Variants in PSMD1 observed in about 807,000 individuals in gnomAD.
PSMD1 encodes the protein proteasome 26S subunit, non-ATPase 1.
Under a neutral mutation model 119.0 loss-of-function variants are expected in PSMD1, and 18 were observed. That is an observed-to-expected ratio of 0.15 (90% CI 0.10 to 0.22). The LOEUF (loss-of-function observed/expected upper bound fraction) is 0.22. Ranked by LOEUF, PSMD1 falls within the 10% of genes least tolerant of loss-of-function variation. The pLI is 1.00. For synonymous variants in PSMD1, 374 were observed against 396.6 expected (o/e 0.94, Z 0.68); for missense variants, 702 against 1,158.5 (o/e 0.61, Z 5.72).
chr2:231,131,577 A>G lies in PSMD1; in HGVS notation c.1884-7159A>G, dbSNP rs1368014606. 7.1e-5 allele frequency among the ~76,000 whole-genome samples: 7 copies of G among 98,644 alleles called. 2 individuals are homozygous for G. The highest frequency in any genetic ancestry group is 6.0e-4 in the Admixed American group (7 of 11,676). The allele number at this position is 98,644 out of a possible 152,430, so 64.7% of individuals were successfully genotyped here. ...GGAGATCGAGACCATCCCGGCTAAAACGGTGAAACCCCGTCTCTACTAAAA... is the reference window on the plus strand; with the variant it reads ...GGAGATCGAGACCATCCCGGCTAAAGCGGTGAAACCCCGTCTCTACTAAAA... On this transcript the variant is annotated intron_variant, in intron 16 of 24. Coordinates refer to ENST00000308696, the MANE Select transcript of PSMD1 (RefSeq NM_002807.4).
intron 19 of PSMD1, among the ~76,000 whole-genome samples, chr2:231,157,814 A>AC (rs1289523973): frequency 6.6e-6 from 1 of 151,298 alleles, no homozygotes; most frequent in East Asian, 2.0e-4. Context: ...CAATCCACCC[A>AC]CCTCGGCCTC....
intron 16 of PSMD1, among the ~76,000 whole-genome samples, chr2:231,100,216 T>A (rs974784810): frequency 8.6e-5 from 13 of 151,732 alleles, no homozygotes; most frequent in African/African-American, 2.7e-4. Context: ...AAATATAAAA[T>A]TTTTTTTTAA....
chr2:231,159,777 G>A (rs1399916360), intron 19 of PSMD1, among the ~76,000 whole-genome samples: 11 of 152,180 alleles, frequency 7.2e-5, no homozygotes, highest in Non-Finnish European at 1.5e-5. Flanking sequence ...TTGACACCAG[G>A]GACAGGTTTC....
chr2:231,113,493 T>A (rs939503026), intron 16 of PSMD1, among the ~76,000 whole-genome samples: 10 of 152,228 alleles, frequency 6.6e-5, no homozygotes, highest in African/African-American at 2.4e-4. Flanking sequence ...CAATAAACAC[T>A]GTGCAGATGG....
chr2:231,159,208 G>C (rs1446005962), intron 19 of PSMD1, among the ~76,000 whole-genome samples: 2 of 152,068 alleles, frequency 1.3e-5, no homozygotes, highest in African/African-American at 4.8e-5. Context: ...ATTTTTATAG[G>C]ATATATTATT....
intron 16 of PSMD1, among the ~76,000 whole-genome samples, chr2:231,121,626 T>C (rs1695547259): frequency 6.6e-6 from 1 of 152,186 alleles, no homozygotes; most frequent in Non-Finnish European, 1.5e-5. Flanking sequence ...GGTAAATCTT[T>C]GTTACCTGTT....
Position 231,080,220 on chromosome 2 carries a change from G to A in PSMD1, c.1319G>A (p.Gly440Asp). 6.2e-7 allele frequency: 1 copy of A among 1,613,370 alleles called. No individual in the cohort carries two copies. Among genetic ancestry groups the A allele is most frequent in the Non-Finnish European group, 8.5e-7 (1 of 1,179,334 alleles). ...DTSPGSAYQE[G>D]GGLYALGLIH... ...TCTCCAGGATCAGCCTATCAGGAAG[G>A]TGGAGGTCTCTATGCACTAGGTCTT... Residue 440 changes from glycine to aspartate, a missense_variant, in exon 12 of 25, where the codon GGT (glycine) becomes GAT (aspartate). By Grantham distance (94) the Gly-to-Asp change is moderately conservative (BLOSUM62 -1). This residue lies in a region of PSMD1 where 272 missense variants were observed against 511.6 expected (regional missense o/e 0.53). Transcript: ENST00000308696.
chr2:231,087,235 A>G (rs1397962253), intron 16 of PSMD1, 54 bp downstream of exon 16: 7 of 1,466,832 alleles, frequency 4.8e-6, no homozygotes, highest in Non-Finnish European at 6.6e-6. Flanking sequence ...TTGGAAATGT[A>G]GTAGTCACTA....
intron 6 of PSMD1, 41 bp from the exon 7 acceptor site, chr2:231,072,148 G>A: frequency 6.5e-7 from 1 of 1,529,312 alleles, no homozygotes; most frequent in Non-Finnish European, 9.0e-7. Flanking sequence ...TGTAGATGAA[G>A]TTTTTAATTA....
chr2:231,062,767 C>A, intron 4 of PSMD1, 92 bp downstream of exon 4: 3 of 1,089,320 alleles, frequency 2.8e-6, no homozygotes, highest in Non-Finnish European at 3.7e-6. Context: ...TTGATGTTGC[C>A]AAATTTCATT....
chr2:231,137,091 TTATATTTTATATATTA>T (rs938651831), intron 16 of PSMD1, among the ~76,000 whole-genome samples: 1 of 146,052 alleles, frequency 6.8e-6, no homozygotes, highest in Non-Finnish European at 1.5e-5. Flanking sequence ...TATTTATATA[TTATATTTTATATATTA>T]TATATTTTAT....
intron 14 of PSMD1, 24 bp downstream of exon 14, chr2:231,083,787 T>G: frequency 6.2e-7 from 1 of 1,609,162 alleles, no homozygotes; most frequent in East Asian, 2.2e-5. Context: ...CGTCCCTCAC[T>G]GTCCATTTAT....
intron 18 of PSMD1, among the ~76,000 whole-genome samples, chr2:231,150,929 A>C (rs1030755772): frequency 1.3e-5 from 2 of 152,202 alleles, no homozygotes; most frequent in Non-Finnish European, 2.9e-5. Context: ...ACGCTAAGGA[A>C]CTTTATTGCT....
At chr2:231,167,932 A>G (rs936157530) in intron 23 of PSMD1, among the ~76,000 whole-genome samples, 3 of 152,216 alleles carry the variant, frequency 2.0e-5, no homozygotes, top group African/African-American at 4.8e-5. Flanking sequence ...AATCAAAACC[A>G]TAACAGGTGC....
chr2:231,126,246 A>G (rs1426487678), intron 16 of PSMD1, among the ~76,000 whole-genome samples: 1 of 152,102 alleles, frequency 6.6e-6, no homozygotes, highest in Admixed American at 6.6e-5. Context: ...AAAAAAAACC[A>G]CATAAATTAG....
chr2:231,093,491 G>C (rs1286501914), intron 16 of PSMD1, among the ~76,000 whole-genome samples: 1 of 152,078 alleles, frequency 6.6e-6, no homozygotes, highest in East Asian at 1.9e-4. Context: ...TTGGGTCCTA[G>C]CCACACCATG....
In PSMD1 at chr2:231,063,964, C is replaced by CT. The variant is rs926350139; in HGVS notation, c.304+1299dup. 4.1e-3 allele frequency among the ~76,000 whole-genome samples: 608 copies of CT among 149,224 alleles called. 14 individuals are homozygous for CT. Among genetic ancestry groups the CT allele is most frequent in the Admixed American group, 0.032 (484 of 14,968 alleles). On this transcript the variant is annotated intron_variant, in intron 4 of 24. Coordinates refer to ENST00000308696, the MANE Select transcript of PSMD1 (RefSeq NM_002807.4). ...ACAGGCGTGAGCCACCACAGCCAGC[C>CT]TTTTTTTTTTCTTTAATGAAGGTTT...
intron 20 of PSMD1, among the ~76,000 whole-genome samples, 186 bp downstream of exon 20, chr2:231,161,695 A>T (rs143307998): frequency 6.6e-6 from 1 of 152,240 alleles, no homozygotes; most frequent in African/African-American, 2.4e-5. Flanking sequence ...TTTGAAAAGC[A>T]TATCTCCTTA....
chr2:231,086,808 G>A (rs1234733908), intron 15 of PSMD1, among the ~76,000 whole-genome samples: 2 of 152,174 alleles, frequency 1.3e-5, no homozygotes, highest in African/African-American at 4.8e-5. Flanking sequence ...CAGGTGCAGT[G>A]GCTTATGCCT....
Sources: allele counts gnomAD v4.1 joint callset (sites outside exome capture counted in the v4.1 genomes callset), GRCh38; gene constraint gnomAD v4.1.1; regional missense constraint gnomAD v4.1.1; transcripts MANE v1.5; gene names NCBI Gene and HGNC (gene_info 2026-07-23, HGNC 2026-07-21).